Variants in THSD4 observed in about 807,000 individuals in gnomAD.
THSD4 encodes the protein thrombospondin type 1 domain containing 4.
In THSD4, 69 loss-of-function variants were observed where a neutral mutation model predicts 119.0. That is an observed-to-expected ratio of 0.58 (90% CI 0.48 to 0.71). THSD4 has a LOEUF of 0.71. Ranked by LOEUF, THSD4 falls within the 30% of genes least tolerant of loss-of-function variation. The probability of loss-of-function intolerance (pLI) is 0.00; values close to 1 mark genes in which losing one functional copy is unlikely to be tolerated. For synonymous variants in THSD4, 524 were observed against 540.4 expected, an observed-to-expected ratio of 0.97 and a Z score of 0.42; for missense variants, 1,393 against 1,391.1, an observed-to-expected ratio of 1.00 and a Z score of -0.02.
intron 6 of THSD4, among the ~76,000 whole-genome samples, chr15:71,296,051 T>A (rs1476425545): frequency 6.6e-6 from 1 of 152,232 alleles, no homozygotes; most frequent in Non-Finnish European, 1.5e-5. Context: ...ATGTTATTTA[T>A]CTACTTATCA....
chr15:71,370,145 T>A (rs974559732), intron 6 of THSD4, among the ~76,000 whole-genome samples: 1 of 152,168 alleles, frequency 6.6e-6, no homozygotes, highest in Non-Finnish European at 1.5e-5. Flanking sequence ...TTATCATTTT[T>A]CATTGTGTCT....
intron 7 of THSD4, among the ~76,000 whole-genome samples, chr15:71,486,611 G>GTTTTTTTTTTTTTTTTTTTTTTTTTTTTT (rs200120589): frequency 7.6e-6 from 1 of 131,710 alleles, no homozygotes; most frequent in African/African-American, 2.9e-5. Flanking sequence ...TTTCTTTTCT[G>GTTTTTTTTTTTTTTTTTTTTTTTTTTTTT]TTTTTTTTTT....
At chr15:71,239,321 T>C (rs1328740053) in intron 4 of THSD4, among the ~76,000 whole-genome samples, 10 of 152,196 alleles carry the variant, frequency 6.6e-5, no homozygotes, top group Admixed American at 5.9e-4. Context: ...CGACCCTGAC[T>C]GTTATCTCCT....
At chr15:71,574,805 T>C (rs2049419457) in intron 7 of THSD4, among the ~76,000 whole-genome samples, 1 of 152,190 alleles carries the variant, frequency 6.6e-6, no homozygotes, top group Admixed American at 6.5e-5. Context: ...CAGGAATTGA[T>C]ATGGAAAGGC....
intron 15 of THSD4, among the ~76,000 whole-genome samples, chr15:71,758,980 C>T (rs1236921572): frequency 6.6e-6 from 1 of 151,420 alleles, no homozygotes; most frequent in Non-Finnish European, 1.5e-5. Flanking sequence ...AAATAATTAA[C>T]AAAAGAAAAA....
chr15:71,251,525 G>A (rs2044258911), intron 5 of THSD4, among the ~76,000 whole-genome samples: 1 of 152,234 alleles, frequency 6.6e-6, no homozygotes, highest in African/African-American at 2.4e-5. Context: ...TCTCATGGCA[G>A]TGCAGGGACA....
At chr15:71,372,816 A>T (rs1317995269) in intron 6 of THSD4, among the ~76,000 whole-genome samples, 2 of 152,216 alleles carry the variant, frequency 1.3e-5, no homozygotes, top group East Asian at 3.9e-4. Context: ...TCAGACAGGG[A>T]CATTTAAGTC....
At chr15:71,575,177 T>C (rs1056214456) in intron 7 of THSD4, among the ~76,000 whole-genome samples, 2 of 152,168 alleles carry the variant, frequency 1.3e-5, no homozygotes, top group Non-Finnish European at 2.9e-5. Flanking sequence ...TGTTTGGTTT[T>C]TTCAATTTTA....
chr15:71,154,346 A>G (rs59882173), intron 2 of THSD4, among the ~76,000 whole-genome samples: 4,666 of 152,300 alleles, frequency 0.031, 133 homozygotes, highest in South Asian at 0.13. Flanking sequence ...CATATGTGAC[A>G]TCAAAAGGCT....
chr15:71,778,313 G>C lies in THSD4; in HGVS notation c.*939G>C, dbSNP rs895998489. 1 of 152,254 alleles carries C rather than the reference G, an allele frequency of 6.6e-6. No individual in the cohort carries two copies. The highest frequency in any genetic ancestry group is 1.5e-5 in the Non-Finnish European group (1 of 68,066). 9.4% of individuals were successfully genotyped at this position (152,254 alleles called of 1,614,324 possible). On this transcript the variant is annotated 3_prime_UTR_variant, in exon 18 of 18. Transcript: ENST00000261862. ...ACTTGCCCTTACCCCCAAAGTTACA[G>C]ATCCTAGTTACAGGACTCTGCCAGC...
intron 17 of THSD4, among the ~76,000 whole-genome samples, chr15:71,774,873 G>A (rs185320831): frequency 5.3e-4 from 81 of 152,270 alleles, no homozygotes; most frequent in African/African-American, 1.9e-3. Context: ...CAAGCTGGGC[G>A]ACGTGACTCA....
At chr15:71,634,453 C>T (rs2050697793) in intron 7 of THSD4, among the ~76,000 whole-genome samples, 1 of 152,166 alleles carries the variant, frequency 6.6e-6, no homozygotes, top group South Asian at 2.1e-4. Flanking sequence ...CAGTCTTTGC[C>T]ATCTTTAGAA....
At chr15:71,739,065 A>T (rs569336597) in intron 11 of THSD4, among the ~76,000 whole-genome samples, 1 of 149,954 alleles carries the variant, frequency 6.7e-6, no homozygotes, top group South Asian at 2.2e-4. Context: ...CACAAATCCC[A>T]GTTGAAACTC....
At chr15:71,181,721 C>G (rs1385758891) in intron 3 of THSD4, among the ~76,000 whole-genome samples, 1 of 152,230 alleles carries the variant, frequency 6.6e-6, no homozygotes. Context: ...TCTACCAACT[C>G]TCTCCTGTGG....
intron 6 of THSD4, among the ~76,000 whole-genome samples, chr15:71,364,126 G>A (rs1385260636): frequency 6.6e-6 from 1 of 152,152 alleles, no homozygotes; most frequent in Admixed American, 6.6e-5. Flanking sequence ...CCTAGTTGAG[G>A]GCTGAGGTTT....
At chr15:71,693,027 C>A (rs1405036233) in intron 8 of THSD4, among the ~76,000 whole-genome samples, 1 of 151,676 alleles carries the variant, frequency 6.6e-6, no homozygotes, top group African/African-American at 2.4e-5. Context: ...AAAAAGGTCT[C>A]AAATTTCTTG....
chr15:71,399,699 A>G (rs1252500176), intron 6 of THSD4, among the ~76,000 whole-genome samples: 1 of 152,182 alleles, frequency 6.6e-6, no homozygotes, highest in Non-Finnish European at 1.5e-5. Flanking sequence ...TGGCTCCCGG[A>G]CCAGCAGCAC....
Position 71,117,246 on chromosome 15 carries a change from T to C in THSD4, c.-80+1548T>C, listed in dbSNP as rs532757599. On this transcript the variant is annotated intron_variant, in intron 1 of 17. Transcript: ENST00000261862. ...ACCTTCTTTTTAGTCTCCTATGCCA[T>C]AAAGAAATATTTCTTACTGGCTGTT... Among the ~76,000 whole-genome samples, 3 of 152,286 alleles carry C rather than the reference T, an allele frequency of 2.0e-5. No individual in the cohort carries two copies. The East Asian group carries it at 5.8e-4, about 29-fold the overall frequency.
chr15:71,565,639 A>AT lies in THSD4; in HGVS notation c.1153-94891_1153-94890insT, dbSNP rs1418647578. Among the ~76,000 whole-genome samples the AT allele has an allele frequency of 2.1e-5, 3 of 140,726 alleles. No homozygotes were observed. In the East Asian group the frequency reaches 6.2e-4, roughly 29 times the overall value. 92.3% of individuals were successfully genotyped at this position (140,726 alleles called of 152,430 possible). On this transcript the variant is annotated intron_variant, in intron 7 of 17. Coordinates refer to ENST00000261862, the MANE Select transcript of THSD4 (RefSeq NM_024817.3). ...GGATGTGTTAGAAGTGATGGTAGAGACCTTATCCCTCTGATTTCTGCTCCA... is the reference window on the plus strand; with the variant it reads ...GGATGTGTTAGAAGTGATGGTAGAGATCCTTATCCCTCTGATTTCTGCTCCA...
Sources: allele counts gnomAD v4.1 joint callset (sites outside exome capture counted in the v4.1 genomes callset), GRCh38; gene constraint gnomAD v4.1.1; transcripts MANE v1.5; gene names NCBI Gene and HGNC (gene_info 2026-07-23, HGNC 2026-07-21).